RERE: variants seen among roughly 807,000 people sequenced by gnomAD.
RERE encodes arginine-glutamic acid dipeptide repeats protein.
In RERE, 40 loss-of-function variants were observed where a neutral mutation model predicts 146.1. That is an observed-to-expected ratio of 0.27 (90% CI 0.21 to 0.36). RERE has a LOEUF of 0.36. Among genes scored for constraint, RERE ranks in the 10% least tolerant of loss-of-function variants. The pLI is 1.00. For missense variants in RERE, 1,933 were observed against 2,138.7 expected (o/e 0.90, Z 1.90); for synonymous variants, 1,003 against 866.0 (o/e 1.16, Z -2.78).
chr1:8,549,105 CCTG>C (rs1273655509), intron 6 of RERE, among the ~76,000 whole-genome samples: 1 of 152,154 alleles, frequency 6.6e-6, no homozygotes, highest in African/African-American at 2.4e-5. Flanking sequence ...CCTAGCTCTG[CCTG>C]CTAACTGGAT....
chr1:8,499,803 T>TA (rs1369178243), intron 8 of RERE, among the ~76,000 whole-genome samples: 3 of 152,206 alleles, frequency 2.0e-5, no homozygotes, highest in Non-Finnish European at 2.9e-5. Flanking sequence ...GCTTAACACA[T>TA]AGTGAAAATA....
chr1:8,486,755 T>TAAAAAAAAAA (rs33956517), intron 10 of RERE, among the ~76,000 whole-genome samples: 11 of 122,286 alleles, frequency 9.0e-5, no homozygotes, highest in East Asian at 2.3e-4. Context: ...GAGTCCATCT[T>TAAAAAAAAAA]AAAAAAAAAA....
chr1:8,810,793 A>G (rs1009828170), intron 1 of RERE, among the ~76,000 whole-genome samples: 2 of 152,178 alleles, frequency 1.3e-5, no homozygotes, highest in Non-Finnish European at 2.9e-5. Flanking sequence ...CTGAGGCTTT[A>G]AAGAGCTCAT....
chr1:8,773,335 A>G (rs1640992009), intron 1 of RERE, among the ~76,000 whole-genome samples: 1 of 152,242 alleles, frequency 6.6e-6, no homozygotes. Context: ...ATATGAAATT[A>G]TATTAAATCA....
chr1:8,714,118 A>G (rs1199039439), intron 1 of RERE, among the ~76,000 whole-genome samples: 4 of 152,234 alleles, frequency 2.6e-5, no homozygotes. Flanking sequence ...CACCCCAAGA[A>G]GTAATTTTCT....
rs924396563 is a variant in RERE, at chr1:8,697,632, G to A, written c.-144-41191C>T. Reference sequence around the variant, plus strand: ...TCTCGATCTCCTGACCTCGTGATCCGCCGCCTCGGCCTCCCAAAGTGCTGG... The same window carrying A: ...TCTCGATCTCCTGACCTCGTGATCCACCGCCTCGGCCTCCCAAAGTGCTGG... On this transcript the variant is annotated intron_variant, in intron 1 of 22. Transcript: ENST00000400908. 2.6e-5 allele frequency among the ~76,000 whole-genome samples: 4 copies of A among 152,136 alleles called. No individual in the cohort carries two copies. The South Asian group carries it at 6.2e-4, about 24-fold the overall frequency.
At chr1:8,692,308 G>GTATC (rs1218394626) in intron 1 of RERE, among the ~76,000 whole-genome samples, 3 of 151,508 alleles carry the variant, frequency 2.0e-5, no homozygotes, top group Non-Finnish European at 4.4e-5. Flanking sequence ...AAACGGTATA[G>GTATC]TATCTGCATA....
intron 12 of RERE, among the ~76,000 whole-genome samples, chr1:8,374,894 C>T (rs1642180648): frequency 6.6e-6 from 1 of 152,222 alleles, no homozygotes. Flanking sequence ...CCTCCTCTGT[C>T]CAGGCCCTGT....
rs550102410 is a variant in RERE at position 8,371,239 on chromosome 1, G to A, written c.1285-5265C>T. Among the ~76,000 whole-genome samples, 25 of 152,176 alleles carry A rather than the reference G, an allele frequency of 1.6e-4. 1 individual carries two copies. The highest frequency in any genetic ancestry group is 9.2e-4 in the Admixed American group (14 of 15,286). On this transcript the variant is annotated intron_variant, in intron 12 of 22. Coordinates refer to ENST00000400908, the MANE Select transcript of RERE (RefSeq NM_001042681.2). ...TTCCTTTTTCTTTTGGCGGTGGGGG[G>A]GCTAAATTTTTCCCACAGGTCATAT... is the stretch of plus-strand genomic sequence containing the variant.
chr1:8,526,147 G>A, intron 7 of RERE: 1 of 864,638 alleles, frequency 1.2e-6, no homozygotes. Context: ...GGGGATCCAA[G>A]ACAGCCAACA....
chr1:8,682,271 A>G (rs1638988304), intron 1 of RERE, among the ~76,000 whole-genome samples: 1 of 152,242 alleles, frequency 6.6e-6, no homozygotes, highest in African/African-American at 2.4e-5. Context: ...TTTCATGACT[A>G]ATAATTTCAA....
intron 7 of RERE, among the ~76,000 whole-genome samples, chr1:8,514,942 C>T (rs1014691403): frequency 1.3e-5 from 2 of 152,218 alleles, no homozygotes; most frequent in African/African-American, 4.8e-5. Flanking sequence ...CATTTCAGCA[C>T]TTACTATCTG....
At chr1:8,566,327 A>G (rs1451553855) in intron 4 of RERE, among the ~76,000 whole-genome samples, 1 of 152,164 alleles carries the variant, frequency 6.6e-6, no homozygotes, top group East Asian at 1.9e-4. Context: ...AATAAAACAA[A>G]ATAAAATACC....
intron 1 of RERE, among the ~76,000 whole-genome samples, chr1:8,731,231 GC>G (rs1175326542): frequency 6.6e-6 from 1 of 152,144 alleles, no homozygotes; most frequent in Non-Finnish European, 1.5e-5. Context: ...GACCTATATA[GC>G]TTTTACCTCC....
chr1:8,707,579 A>G (rs1170008452), intron 1 of RERE, among the ~76,000 whole-genome samples: 1 of 152,214 alleles, frequency 6.6e-6, no homozygotes, highest in Non-Finnish European at 1.5e-5. Context: ...ATTTAATAAC[A>G]CTAATAAGTG....
intron 2 of RERE, among the ~76,000 whole-genome samples, chr1:8,654,058 G>A (rs938415065): frequency 5.3e-5 from 8 of 151,522 alleles, no homozygotes; most frequent in African/African-American, 1.9e-4. Flanking sequence ...GGGAGGGGTG[G>A]AGACAGGGTT....
At chr1:8,590,044 T>C (rs1646474039) in intron 4 of RERE, among the ~76,000 whole-genome samples, 1 of 152,154 alleles carries the variant, frequency 6.6e-6, no homozygotes, top group East Asian at 1.9e-4. Context: ...GGAATCCTAA[T>C]CAGCACCACC....
At chr1:8,588,671 C>T (rs896673585) in intron 4 of RERE, among the ~76,000 whole-genome samples, 4 of 152,170 alleles carry the variant, frequency 2.6e-5, no homozygotes, top group Non-Finnish European at 5.9e-5. Flanking sequence ...TGCAAGATGC[C>T]AAACAAAATC....
At chr1:8,496,928 G>A (rs1009008978) in intron 9 of RERE, among the ~76,000 whole-genome samples, 1 of 152,148 alleles carries the variant, frequency 6.6e-6, no homozygotes, top group Non-Finnish European at 1.5e-5. Flanking sequence ...AGAACGTGTC[G>A]GTTTGTTACA....
Sources: gnomAD v4.1 joint callset for allele counts (sites outside exome capture counted in the v4.1 genomes callset) on GRCh38, gnomAD v4.1.1 for gene constraint, MANE v1.5 for transcripts, NCBI Gene and HGNC (gene_info 2026-07-23, HGNC 2026-07-21) for gene names.